The following TNPO2 variants were observed in gnomAD, a reference collection of about 807,000 sequenced individuals.
TNPO2 encodes the protein transportin 2, also known as transportin-2.
Under a neutral mutation model 111.1 loss-of-function variants are expected in TNPO2, and 16 were observed. The observed-to-expected ratio is 0.14, with a 90% CI of 0.10 to 0.22. The LOEUF (loss-of-function observed/expected upper bound fraction) is 0.22, where lower values mean the gene tolerates loss of function less well. Among genes scored for constraint, TNPO2 ranks in the 10% least tolerant of loss-of-function variants. TNPO2 has a pLI of 1.00. For synonymous variants in TNPO2, 481 were observed against 475.8 expected (o/e 1.01, Z -0.14); for missense variants, 530 against 1,173.7 (o/e 0.45, Z 8.01).
rs539270365 is a variant in TNPO2, at chr19:12,700,969, G to A, written c.*295C>T. The A allele has an allele frequency of 9.0e-6, 2 of 221,150 alleles. No homozygotes were observed. The highest frequency in any genetic ancestry group is 1.0e-4 in the Admixed American group (2 of 19,408). 13.7% of individuals were successfully genotyped at this position (221,150 alleles called of 1,614,324 possible). ...GTAATTCCTCCCTCCCACGTAGCTG[G>A]CCCAAGTGGGCTGCCAGAGATGACC... On this transcript the variant is annotated 3_prime_UTR_variant, in exon 26 of 26. Coordinates refer to ENST00000425528, the MANE Select transcript of TNPO2 (RefSeq NM_001382241.1).
At chr19:12,703,393 TG>T (rs750416692) in intron 20 of TNPO2, 34 bp downstream of exon 20, 8 of 1,582,996 alleles carry the variant, frequency 5.1e-6, no homozygotes, top group East Asian at 2.2e-5. Context: ...AACAGGCTAA[TG>T]GGGGGCGCGT....
In TNPO2 at chr19:12,705,851, C is replaced by G. The variant is rs1194110981; in HGVS notation, c.1669-83G>C. ...GGTACCTGTTGCCCGAGTGATGAGG[C>G]CTGAGCGCCTCACCGTGGCTCATGG... On this transcript the variant is annotated intron_variant, in intron 15 of 25. Transcript: ENST00000425528. This position sits in a 1 kb window ranked among gnomAD's most constrained non-coding sequence, Gnocchi z 7.2. 2 of 1,036,434 alleles carry G rather than the reference C, an allele frequency of 1.9e-6. No individual in the cohort carries two copies. The highest frequency in any genetic ancestry group is 1.7e-5 in the South Asian group (1 of 58,342). The allele number at this position is 1,036,434 out of a possible 1,614,324, so 64.2% of individuals were successfully genotyped here.
chr19:12,702,511 C>T lies in TNPO2; in HGVS notation c.2305+312G>A. 1 of 532,192 alleles carries T rather than the reference C, an allele frequency of 1.9e-6. No homozygotes were observed. The highest frequency in any genetic ancestry group is 3.4e-6 in the Non-Finnish European group (1 of 294,572). 33.0% of individuals were successfully genotyped at this position (532,192 alleles called of 1,614,324 possible). On this transcript the variant is annotated intron_variant, in intron 21 of 25. Coordinates refer to ENST00000425528, the MANE Select transcript of TNPO2 (RefSeq NM_001382241.1). The surrounding 1 kb of genome is among the most constrained non-coding windows in gnomAD (Gnocchi z 5.5). The stretch of plus-strand genomic sequence containing the variant: ...CCTCCCGAGTAGCTGGGATTGCAGG[C>T]ACGTGCCATTACCCCCGGCTAATTT...
chr19:12,699,652 A>T lies in TNPO2; in HGVS notation c.*1612T>A, dbSNP rs1050668363. ...TACCAGAAAATTAAAAGGTATTTTT[A>T]AAACTTTTTTTTTTTTTTTTAACAA... On this transcript the variant is annotated 3_prime_UTR_variant, in exon 26 of 26. Coordinates refer to ENST00000425528, the MANE Select transcript of TNPO2 (RefSeq NM_001382241.1). The T allele has an allele frequency of 1.3e-5, 2 of 151,848 alleles. No individual in the cohort carries two copies. The highest frequency in any genetic ancestry group is 4.9e-5 in the African/African-American group (2 of 41,092). The allele number at this position is 151,848 out of a possible 1,614,324, so 9.4% of individuals were successfully genotyped here.
In TNPO2 at chr19:12,702,207, C is replaced by T. The variant is rs757386951; in HGVS notation, c.2306-30G>A. On this transcript the variant is annotated intron_variant, in intron 21 of 25. Transcript: ENST00000425528. This position sits in a 1 kb window ranked among gnomAD's most constrained non-coding sequence, Gnocchi z 5.5. ...AACCCCGAGCGGCCCCGGGACGGTA[C>T]GTGGCGGGGCCTCTGGCACAAGGCA... 26 of 1,587,768 alleles carry T rather than the reference C, an allele frequency of 1.6e-5. No homozygotes were observed. Among genetic ancestry groups the T allele is most frequent in the South Asian group, 4.5e-5 (4 of 89,434 alleles).
Position 12,720,860 on chromosome 19 carries a change from C to T in TNPO2, c.99+19G>A. 1 of 1,577,372 alleles carries T rather than the reference C, an allele frequency of 6.3e-7. No individual in the cohort carries two copies. The highest frequency in any genetic ancestry group is 8.6e-7 in the Non-Finnish European group (1 of 1,162,978). Reference sequence around the variant, plus strand: ...CGCATCTACCCGGCTCCCCCAGCCCCGGAAGGAAGGAAGGATACATCCTGC... The same window carrying T: ...CGCATCTACCCGGCTCCCCCAGCCCTGGAAGGAAGGAAGGATACATCCTGC... On this transcript the variant is annotated intron_variant, in intron 3 of 25. Transcript: ENST00000425528.
intron 10 of TNPO2, 76 bp downstream of exon 10, chr19:12,714,745 G>A (rs1459922157): frequency 3.5e-6 from 4 of 1,142,028 alleles, no homozygotes; most frequent in African/African-American, 1.5e-5. Flanking sequence ...AAGCACAGCA[G>A]GTGACCAGAA....
chr19:12,702,174 C>A lies in TNPO2; in HGVS notation c.2309G>T (p.Arg770Leu). 6.2e-7 allele frequency: 1 copy of A among 1,612,798 alleles called. No individual in the cohort carries two copies. The highest frequency in any genetic ancestry group is 8.5e-7 in the Non-Finnish European group (1 of 1,179,616). The change falls in exon 22 of 26, where the codon CGC (arginine) becomes CTC (leucine). Residue 770 changes from arginine to leucine, a missense_variant. Coordinates refer to ENST00000425528, the MANE Select transcript of TNPO2 (RefSeq NM_001382241.1). The surrounding 1 kb of genome is among the most constrained non-coding windows in gnomAD (Gnocchi z 5.5). The part of the protein sequence containing the change: ...TPKTLLENTG[R>L]LTSPSAIPAI... Reference sequence around the variant, plus strand: ...TGGAATGGCAGAGGGACTCGTCAGGCGACCTGCAACCCCGAGCGGCCCCGG... The same window carrying A: ...TGGAATGGCAGAGGGACTCGTCAGGAGACCTGCAACCCCGAGCGGCCCCGG...
At position 12,705,448 on chromosome 19, in the gene TNPO2, C is replaced by T. The variant is rs1187501886; in HGVS notation, c.1863+44G>A. The T allele has an allele frequency of 6.4e-7, 1 of 1,574,510 alleles. No individual in the cohort carries two copies. The highest frequency in any genetic ancestry group is 8.6e-7 in the Non-Finnish European group (1 of 1,159,878). ...ACGGGTAAGTGGAGCAGGCCCGAGGCAGGCCAATGCAGAAGCACAGGTGAC... is the reference window on the plus strand; with the variant it reads ...ACGGGTAAGTGGAGCAGGCCCGAGGTAGGCCAATGCAGAAGCACAGGTGAC... On this transcript the variant is annotated intron_variant, in intron 17 of 25. Coordinates refer to ENST00000425528, the MANE Select transcript of TNPO2 (RefSeq NM_001382241.1). The surrounding 1 kb of genome is among the most constrained non-coding windows in gnomAD (Gnocchi z 7.2).
chr19:12,721,003 G>A lies in TNPO2; in HGVS notation c.-13-13C>T. 1 of 1,554,440 alleles carries A rather than the reference G, an allele frequency of 6.4e-7. No homozygotes were observed. Among genetic ancestry groups the A allele is most frequent in the Non-Finnish European group, 8.7e-7 (1 of 1,154,364 alleles). ...GGCGCAAGGCAAGCTGCGGAGGTAG[G>A]GGCCGGGGTCAGCGCTGGGTCTCTG... On this transcript the variant is annotated splice_polypyrimidine_tract_variant and intron_variant, in intron 2 of 25. Coordinates refer to ENST00000425528, the MANE Select transcript of TNPO2 (RefSeq NM_001382241.1). The surrounding 1 kb of genome is among the most constrained non-coding windows in gnomAD (Gnocchi z 4.9).
chr19:12,723,648 T>C (rs1189152811), intron 1 of TNPO2, 121 bp downstream of exon 1: 1 of 152,142 alleles, frequency 6.6e-6, no homozygotes, highest in Non-Finnish European at 1.5e-5. Context: ...ATTTAATGAA[T>C]TCACCAGCTC....
chr19:12,708,064 C>G (rs1303522375), intron 13 of TNPO2, among the ~76,000 whole-genome samples: 1 of 152,120 alleles, frequency 6.6e-6, no homozygotes, highest in Non-Finnish European at 1.5e-5. Context: ...TCAGTTGATT[C>G]AACCGCCTCG....
chr19:12,704,108 G>C (rs2025485859), intron 18 of TNPO2, among the ~76,000 whole-genome samples: 1 of 152,220 alleles, frequency 6.6e-6, no homozygotes, highest in Non-Finnish European at 1.5e-5. Context: ...GTTCATGCCT[G>C]TAATCTCCAG....
At chr19:12,714,998 G>C in intron 9 of TNPO2, 49 bp downstream of exon 9, 2 of 1,585,746 alleles carry the variant, frequency 1.3e-6, no homozygotes, top group South Asian at 2.3e-5. Flanking sequence ...CCTGACCCCT[G>C]CCACCGGCCC....
intron 5 of TNPO2, among the ~76,000 whole-genome samples, chr19:12,716,236 T>C (rs2026359954): frequency 6.6e-6 from 1 of 152,212 alleles, no homozygotes; most frequent in African/African-American, 2.4e-5. Context: ...GAGTCAACTC[T>C]GTTCCAGGCC....
chr19:12,704,192 C>T (rs555282293), intron 18 of TNPO2, among the ~76,000 whole-genome samples: 28 of 152,294 alleles, frequency 1.8e-4, no homozygotes, highest in Admixed American at 1.6e-3. Context: ...CATGGCAAAA[C>T]CCTGTCTTTA....
chr19:12,701,398 T>G lies in TNPO2; in HGVS notation c.2642A>C (p.Glu881Ala). Reference sequence around the variant, plus strand: ...CTCCTTGAGCAGCGGCGGGAATTGCTCAGAGAACTGCTGCCAGTTATCTTC... The same window carrying G: ...CTCCTTGAGCAGCGGCGGGAATTGCGCAGAGAACTGCTGCCAGTTATCTTC... ...VGEDNWQQFS[E>A]QFPPLLKERL... Residue 881 changes from glutamate (E) to alanine (A), a missense_variant, in exon 25 of 26, where the codon GAG (glutamate) becomes GCG (alanine). Physicochemically the swap from Glu to Ala is moderately radical, Grantham distance 107. Coordinates refer to ENST00000425528, the MANE Select transcript of TNPO2 (RefSeq NM_001382241.1). The surrounding 1 kb of genome is among the most constrained non-coding windows in gnomAD (Gnocchi z 5.0). The G allele has an allele frequency of 6.2e-7, 1 of 1,613,842 alleles. No homozygotes were observed.
rs745650232 is a variant in TNPO2, at chr19:12,705,643, G to T, written c.1755+39C>A. The T allele has an allele frequency of 1.9e-6, 3 of 1,570,186 alleles. No homozygotes were observed. In the African/African-American group the frequency reaches 4.1e-5, roughly 21 times the overall value. On this transcript the variant is annotated intron_variant, in intron 16 of 25. Coordinates refer to ENST00000425528, the MANE Select transcript of TNPO2 (RefSeq NM_001382241.1). This position sits in a 1 kb window ranked among gnomAD's most constrained non-coding sequence, Gnocchi z 7.2. The stretch of plus-strand genomic sequence containing the variant: ...GGTGGGGAGAACTCAGGCAGGGTGG[G>T]CAGGATGGGTTTCGGGTGAGGGGCA...
intron 13 of TNPO2, among the ~76,000 whole-genome samples, chr19:12,709,774 C>T (rs1955770497): frequency 6.6e-6 from 1 of 151,688 alleles, no homozygotes; most frequent in Non-Finnish European, 1.5e-5. Context: ...TGAGCCACCA[C>T]ACCTGGCCTT....
Sources: allele counts gnomAD v4.1 joint callset (sites outside exome capture counted in the v4.1 genomes callset), GRCh38; gene constraint gnomAD v4.1.1; non-coding constraint Gnocchi (gnomAD v3.1); transcripts MANE v1.5; gene names NCBI Gene and HGNC (gene_info 2026-07-23, HGNC 2026-07-21).